The following LSAMP variants were observed in gnomAD, a reference collection of about 807,000 sequenced individuals.
LSAMP encodes limbic system associated membrane protein.
LSAMP carries 7 observed loss-of-function variants against 38.6 expected under a neutral mutation model. The observed-to-expected ratio is 0.18, with a 90% CI of 0.10 to 0.34. The LOEUF (loss-of-function observed/expected upper bound fraction) is 0.34. Ranked by LOEUF, LSAMP falls within the 10% of genes least tolerant of loss-of-function variation. The pLI, the probability that LSAMP is intolerant of heterozygous loss-of-function variation, is 1.00. For synonymous variants in LSAMP, 154 were observed against 166.8 expected, an observed-to-expected ratio of 0.92 and a Z score of 0.59; for missense variants, 313 against 420.0, an observed-to-expected ratio of 0.75 and a Z score of 2.23.
chr3:116,430,767 G>C (rs947858720), intron 1 of LSAMP, among the ~76,000 whole-genome samples: 5 of 152,068 alleles, frequency 3.3e-5, no homozygotes, highest in Admixed American at 2.0e-4. Flanking sequence ...GTAATTGATA[G>C]GGGGATACTT....
chr3:116,067,668 G>T (rs374285977), intron 2 of LSAMP, among the ~76,000 whole-genome samples: 1 of 151,986 alleles, frequency 6.6e-6, no homozygotes, highest in African/African-American at 2.4e-5. Context: ...TTTTAACTCC[G>T]TTAAAGAACA....
intron 1 of LSAMP, among the ~76,000 whole-genome samples, chr3:116,197,130 G>GACACACATAC (rs1553712530): frequency 7.3e-6 from 1 of 136,746 alleles, no homozygotes; most frequent in Admixed American, 7.3e-5. Flanking sequence ...ATCCCACTCG[G>GACACACATAC]ACACACACAC....
chr3:116,055,005 A>C (rs1941462735), intron 2 of LSAMP, among the ~76,000 whole-genome samples: 1 of 152,166 alleles, frequency 6.6e-6, no homozygotes, highest in Non-Finnish European at 1.5e-5. Context: ...ATCTATTCTG[A>C]AGTCTGAGTA....
intron 3 of LSAMP, among the ~76,000 whole-genome samples, chr3:116,015,387 G>C (rs978966173): frequency 6.6e-6 from 1 of 152,064 alleles, no homozygotes. Context: ...AATGAAGATG[G>C]GAGCAGCATT....
At chr3:116,349,227 A>G (rs1391563179) in intron 1 of LSAMP, among the ~76,000 whole-genome samples, 6 of 152,108 alleles carry the variant, frequency 3.9e-5, no homozygotes, top group African/African-American at 1.4e-4. Flanking sequence ...GATAATACTG[A>G]AAGTGTATTA....
At chr3:115,931,784 A>G (rs1269840532) in intron 3 of LSAMP, among the ~76,000 whole-genome samples, 1 of 152,214 alleles carries the variant, frequency 6.6e-6, no homozygotes, top group Non-Finnish European at 1.5e-5. Context: ...GTAGACTGTT[A>G]CTTTTCTAAG....
At chr3:116,043,402 G>T (rs1186594081) in intron 2 of LSAMP, among the ~76,000 whole-genome samples, 1 of 152,156 alleles carries the variant, frequency 6.6e-6, no homozygotes, top group Non-Finnish European at 1.5e-5. Flanking sequence ...ACACAAAAAG[G>T]TTGCTTCTGA....
chr3:116,079,194 C>T (rs762999162), intron 2 of LSAMP, among the ~76,000 whole-genome samples: 1 of 152,150 alleles, frequency 6.6e-6, no homozygotes, highest in Non-Finnish European at 1.5e-5. Flanking sequence ...TTCAATGTAG[C>T]CAAGGTCCCA....
intron 3 of LSAMP, among the ~76,000 whole-genome samples, chr3:115,958,783 T>C (rs1259619278): frequency 6.6e-6 from 1 of 152,182 alleles, no homozygotes; most frequent in Non-Finnish European, 1.5e-5. Context: ...GCTGTTTTTC[T>C]GCACAGGATT....
At chr3:115,945,349 G>A (rs1206541866) in intron 3 of LSAMP, among the ~76,000 whole-genome samples, 1 of 152,042 alleles carries the variant, frequency 6.6e-6, no homozygotes, top group African/African-American at 2.4e-5. Flanking sequence ...TTGGACTAAG[G>A]ACTTGCCCTA....
chr3:115,885,872 A>C (rs1363244172), intron 3 of LSAMP, among the ~76,000 whole-genome samples: 1 of 151,910 alleles, frequency 6.6e-6, no homozygotes, highest in Non-Finnish European at 1.5e-5. Flanking sequence ...TGATCCCCAA[A>C]ACTACAAAGT....
intron 1 of LSAMP, among the ~76,000 whole-genome samples, chr3:116,384,423 C>A (rs976097788): frequency 2.0e-5 from 3 of 152,084 alleles, no homozygotes; most frequent in African/African-American, 7.2e-5. Flanking sequence ...TACATCTCAG[C>A]CCAATTGAAT....
At chr3:116,256,166 A>G (rs908427776) in intron 1 of LSAMP, among the ~76,000 whole-genome samples, 2 of 152,190 alleles carry the variant, frequency 1.3e-5, no homozygotes, top group African/African-American at 2.4e-5. Context: ...TTAATTACGA[A>G]ATTGTATGCC....
chr3:115,931,955 G>A (rs927768786), intron 3 of LSAMP, among the ~76,000 whole-genome samples: 3 of 152,116 alleles, frequency 2.0e-5, no homozygotes, highest in Admixed American at 6.6e-5. Flanking sequence ...ACCTAGCATT[G>A]AGCTGGGCGA....
In LSAMP at chr3:115,806,567, CAG is replaced by C. The variant is rs1221836331; in HGVS notation, c.*3748_*3749del. 2 of 152,248 alleles carry C rather than the reference CAG, an allele frequency of 1.3e-5. No individual in the cohort carries two copies. Among genetic ancestry groups the C allele is most frequent in the African/African-American group, 4.8e-5 (2 of 41,536 alleles). 9.4% of individuals were successfully genotyped at this position (152,248 alleles called of 1,614,324 possible). A position where few individuals can be genotyped will look rare whatever the true frequency, so the allele number is the denominator to read the frequency against. ...GGTAAGTCCATTTTTGGAGGAGAAA[CAG>C]ATTTTTGTTTGGTCCTCCAAGAACG... On this transcript the variant is annotated 3_prime_UTR_variant, in exon 7 of 7. Transcript: ENST00000490035.
At chr3:115,974,199 C>T (rs1445654158) in intron 3 of LSAMP, among the ~76,000 whole-genome samples, 1 of 151,920 alleles carries the variant, frequency 6.6e-6, no homozygotes, top group Admixed American at 6.6e-5. Flanking sequence ...CAAAAATTAG[C>T]CAGGCATGAT....
In LSAMP at chr3:115,934,190, T is replaced by TTA. The variant is rs1553750565; in HGVS notation, c.515-81574_515-81573insTA. On this transcript the variant is annotated intron_variant, in intron 3 of 6. Coordinates refer to ENST00000490035, the MANE Select transcript of LSAMP (RefSeq NM_002338.5). The stretch of plus-strand genomic sequence containing the variant: ...TTTTATTTTATTATTTTATTTTATT[T>TTA]TTTTTTCAGTCAGAGTGTCACTCTG... Among the ~76,000 whole-genome samples the TTA allele has an allele frequency of 1.1e-3, 167 of 151,338 alleles. 1 individual carries two copies. The highest frequency in any genetic ancestry group is 3.8e-3 in the African/African-American group (158 of 41,284).
chr3:116,023,623 A>G (rs1432680028), intron 2 of LSAMP, among the ~76,000 whole-genome samples: 2 of 150,060 alleles, frequency 1.3e-5, no homozygotes, highest in Admixed American at 1.3e-4. Flanking sequence ...AAAAAAAAAA[A>G]ACGGTTTCTT....
chr3:116,175,170 T>C (rs1038014131), intron 1 of LSAMP, among the ~76,000 whole-genome samples: 19 of 152,134 alleles, frequency 1.2e-4, no homozygotes, highest in Non-Finnish European at 4.4e-5. Context: ...TAGGTTAAAC[T>C]ATTCAAAATA....
Sources: gnomAD v4.1 joint callset for allele counts (sites outside exome capture counted in the v4.1 genomes callset) on GRCh38, gnomAD v4.1.1 for gene constraint, MANE v1.5 for transcripts, NCBI Gene and HGNC (gene_info 2026-07-23, HGNC 2026-07-21) for gene names.